Variants in UNC5D observed in about 807,000 individuals in gnomAD.
UNC5D encodes netrin receptor UNC5D.
In UNC5D, 39 loss-of-function variants were observed where a neutral mutation model predicts 105.4. That is an observed-to-expected ratio of 0.37 (90% CI 0.29 to 0.48). The LOEUF (loss-of-function observed/expected upper bound fraction) is 0.48, where lower values mean the gene tolerates loss of function less well. UNC5D is among the 20% of genes least tolerant of loss of function. UNC5D has a pLI of 0.98. For missense variants in UNC5D, 991 were observed against 1,202.4 expected, an observed-to-expected ratio of 0.82 and a Z score of 2.60; for synonymous variants, 452 against 450.4, an observed-to-expected ratio of 1.00 and a Z score of -0.04.
At chr8:35,543,078 C>CA (rs1311393211) in intron 1 of UNC5D, among the ~76,000 whole-genome samples, 1 of 152,156 alleles carries the variant, frequency 6.6e-6, no homozygotes, top group African/African-American at 2.4e-5. Context: ...CCCAAGGTCA[C>CA]AGAGTTAACA....
At chr8:35,483,693 A>C (rs2130008429) in intron 1 of UNC5D, among the ~76,000 whole-genome samples, 1 of 152,360 alleles carries the variant, frequency 6.6e-6, no homozygotes, top group South Asian at 2.1e-4. Flanking sequence ...ATAACAGATA[A>C]GTGTCAAGGC....
intron 1 of UNC5D, chr8:35,525,624 C>A (rs1813812792): frequency 6.8e-6 from 11 of 1,613,518 alleles, no homozygotes; most frequent in Non-Finnish European, 7.6e-6. Flanking sequence ...GGGCTTTCCA[C>A]TGGAAGAGGG....
chr8:35,722,079 T>C (rs1447000848), intron 8 of UNC5D, 131 bp from the exon 9 acceptor site: 3 of 996,218 alleles, frequency 3.0e-6, no homozygotes, highest in Non-Finnish European at 4.4e-6. Flanking sequence ...ACAACTTGTG[T>C]TCACTGTACA....
chr8:35,650,165 A>G (rs1823314949), intron 4 of UNC5D, among the ~76,000 whole-genome samples: 1 of 152,220 alleles, frequency 6.6e-6, no homozygotes, highest in African/African-American at 2.4e-5. Flanking sequence ...CCCCACAACC[A>G]CTTAACCTGT....
In UNC5D at chr8:35,796,528, T is replaced by C. The variant is rs985303693; in HGVS notation, c.*5965T>C. 1 of 148,656 alleles carries C rather than the reference T, an allele frequency of 6.7e-6. No homozygotes were observed. Among genetic ancestry groups the C allele is most frequent in the Admixed American group, 6.8e-5 (1 of 14,716 alleles). 9.2% of individuals were successfully genotyped at this position (148,656 alleles called of 1,614,324 possible). A position where few individuals can be genotyped will look rare whatever the true frequency, so the allele number is the denominator to read the frequency against. ...ATATCAGTTATTTATGAATAAAGAGTCTTTTATTGACATTTTAGGATACTA... is the reference window on the plus strand; with the variant it reads ...ATATCAGTTATTTATGAATAAAGAGCCTTTTATTGACATTTTAGGATACTA... On this transcript the variant is annotated 3_prime_UTR_variant, in exon 17 of 17. Transcript: ENST00000404895.
chr8:35,435,543 C>T (rs1210062856), intron 1 of UNC5D, among the ~76,000 whole-genome samples: 3 of 151,974 alleles, frequency 2.0e-5, no homozygotes, highest in Non-Finnish European at 4.4e-5. Context: ...AACAATAATC[C>T]AATTGACTAC....
chr8:35,514,639 C>A (rs370713239), intron 1 of UNC5D, among the ~76,000 whole-genome samples: 174 of 152,294 alleles, frequency 1.1e-3, no homozygotes, highest in African/African-American at 4.0e-3. Flanking sequence ...TTGAATTTAG[C>A]ATTTCTCTGG....
intron 1 of UNC5D, among the ~76,000 whole-genome samples, chr8:35,480,728 G>T (rs1380359040): frequency 6.6e-6 from 1 of 152,146 alleles, no homozygotes; most frequent in African/African-American, 2.4e-5. Context: ...GCAAATTATA[G>T]AGATGATAAG....
chr8:35,257,009 G>T (rs2128817639), intron 1 of UNC5D, among the ~76,000 whole-genome samples: 1 of 142,056 alleles, frequency 7.0e-6, no homozygotes, highest in South Asian at 2.2e-4. Flanking sequence ...GTCTCACTCT[G>T]TTGCCAAGCT....
At chr8:35,637,163 T>C (rs1445034745) in intron 4 of UNC5D, among the ~76,000 whole-genome samples, 2 of 152,196 alleles carry the variant, frequency 1.3e-5, no homozygotes, top group African/African-American at 4.8e-5. Context: ...GCACACATTG[T>C]TTCTGTGTAA....
chr8:35,598,092 AAAGG>A (rs1819603473), intron 4 of UNC5D, among the ~76,000 whole-genome samples: 1 of 152,008 alleles, frequency 6.6e-6, no homozygotes, highest in Non-Finnish European at 1.5e-5. Context: ...CATCTTTCTT[AAAGG>A]CTTACTCAGA....
At chr8:35,464,697 A>G (rs1214257099) in intron 1 of UNC5D, among the ~76,000 whole-genome samples, 1 of 151,994 alleles carries the variant, frequency 6.6e-6, no homozygotes, top group Non-Finnish European at 1.5e-5. Flanking sequence ...GCTTATTTTT[A>G]TATTTCATCT....
At chr8:35,596,525 G>A (rs1242231746) in intron 4 of UNC5D, among the ~76,000 whole-genome samples, 1 of 152,166 alleles carries the variant, frequency 6.6e-6, no homozygotes, top group African/African-American at 2.4e-5. Flanking sequence ...GGTTGAGGAT[G>A]CGTGCCCATG....
At chr8:35,754,454 A>G (rs1487409364) in intron 13 of UNC5D, among the ~76,000 whole-genome samples, 1 of 152,228 alleles carries the variant, frequency 6.6e-6, no homozygotes, top group Non-Finnish European at 1.5e-5. Flanking sequence ...GCTGTTAACC[A>G]AAAGGACGCT....
intron 1 of UNC5D, among the ~76,000 whole-genome samples, chr8:35,490,768 G>T (rs1811163263): frequency 6.6e-6 from 1 of 152,164 alleles, no homozygotes; most frequent in Admixed American, 6.5e-5. Flanking sequence ...AGCCAGTACT[G>T]TCAGAAGCTA....
At chr8:35,570,120 T>A (rs1304707549) in intron 3 of UNC5D, among the ~76,000 whole-genome samples, 1 of 152,224 alleles carries the variant, frequency 6.6e-6, no homozygotes, top group Non-Finnish European at 1.5e-5. Flanking sequence ...TACACCTTTG[T>A]TAGTTTCCCG....
Position 35,410,318 on chromosome 8 carries a change from A to G in UNC5D, c.104-138974A>G, listed in dbSNP as rs1402822579. Among the ~76,000 whole-genome samples the G allele has an allele frequency of 2.6e-5, 4 of 151,724 alleles. No individual in the cohort carries two copies. The East Asian group carries it at 7.7e-4, about 29-fold the overall frequency. On this transcript the variant is annotated intron_variant, in intron 1 of 16. Transcript: ENST00000404895. The stretch of plus-strand genomic sequence containing the variant: ...ATGTACACATTACCTTAAAAAAAAG[A>G]AAAAACAAGTCTCTATGGGATTTGC...
chr8:35,618,148 G>A (rs1008739745), intron 4 of UNC5D, among the ~76,000 whole-genome samples: 3 of 152,268 alleles, frequency 2.0e-5, no homozygotes, highest in Middle Eastern at 6.8e-3. Context: ...AAACAGATCT[G>A]CATAATACCA....
intron 2 of UNC5D, among the ~76,000 whole-genome samples, chr8:35,551,211 T>G (rs185713262): frequency 6.6e-6 from 1 of 152,252 alleles, no homozygotes; most frequent in East Asian, 1.9e-4. Flanking sequence ...AAGAACTGGT[T>G]CAAGAGTCGG....
Sources: allele counts gnomAD v4.1 joint callset (sites outside exome capture counted in the v4.1 genomes callset), GRCh38; gene constraint gnomAD v4.1.1; transcripts MANE v1.5; gene names NCBI Gene and HGNC (gene_info 2026-07-23, HGNC 2026-07-21).